The following ALDH1L2 variants were observed in gnomAD, a reference collection of about 807,000 sequenced individuals.
ALDH1L2 encodes mitochondrial 10-formyltetrahydrofolate dehydrogenase.
ALDH1L2 carries 91 observed loss-of-function variants against 111.0 expected under a neutral mutation model. The ratio of observed to expected loss-of-function variants is 0.82; its 90% confidence interval spans 0.69 to 0.98. The LOEUF (loss-of-function observed/expected upper bound fraction) is 0.98. Among genes scored for constraint, ALDH1L2 ranks in the 50% least tolerant of loss-of-function variants. ALDH1L2 has a pLI of 0.00. For missense variants in ALDH1L2, 995 were observed against 1,126.8 expected (o/e 0.88, Z 1.67); for synonymous variants, 374 against 392.6 (o/e 0.95, Z 0.56).
Position 105,070,777 on chromosome 12 carries a change from G to A in ALDH1L2, c.221C>T (p.Pro74Leu), listed in dbSNP as rs1565971840. 2 of 1,614,052 alleles carry A rather than the reference G, an allele frequency of 1.2e-6. No homozygotes were observed. The highest frequency in any genetic ancestry group is 2.7e-5 in the African/African-American group (2 of 75,032). The change falls in exon 3 of 23, where the codon CCT (proline) becomes CTT (leucine). Residue 74 changes from proline to leucine, a missense_variant. Coordinates refer to ENST00000258494, the MANE Select transcript of ALDH1L2 (RefSeq NM_001034173.4). ...LALAAEKDGT[P>L]VFKLPKWRVK... is the part of the protein sequence containing the mutation. ...CCTCCATTTAGGAAGCTTGAACACA[G>A]GGGTCCCATCTTTCTCTGCAGCCAA...
intron 4 of ALDH1L2, among the ~76,000 whole-genome samples, chr12:105,067,292 A>G (rs1877430048): frequency 1.3e-5 from 2 of 151,992 alleles, no homozygotes; most frequent in Admixed American, 6.6e-5. Context: ...GAGAGCTTGT[A>G]GGTGTCAGAA....
chr12:105,035,001 TAAAAG>T (rs1592766671), intron 18 of ALDH1L2, among the ~76,000 whole-genome samples: 1 of 151,958 alleles, frequency 6.6e-6, no homozygotes, highest in South Asian at 2.1e-4. Context: ...AATAAATAAA[TAAAAG>T]AAAATCTAGA....
At chr12:105,077,507 G>A (rs1481075754) in intron 1 of ALDH1L2, among the ~76,000 whole-genome samples, 2 of 151,040 alleles carry the variant, frequency 1.3e-5, no homozygotes, top group African/African-American at 2.4e-5. Flanking sequence ...TCAAATTCCC[G>A]AGCTCAGGCA....
chr12:105,037,570 T>C (rs1875232533), intron 18 of ALDH1L2, among the ~76,000 whole-genome samples: 1 of 152,188 alleles, frequency 6.6e-6, no homozygotes, highest in Non-Finnish European at 1.5e-5. Context: ...CTGCTATGAC[T>C]CATATCCTGT....
chr12:105,032,856 C>G (rs1211163824), intron 19 of ALDH1L2, among the ~76,000 whole-genome samples: 2 of 152,078 alleles, frequency 1.3e-5, no homozygotes, highest in Middle Eastern at 3.4e-3. Flanking sequence ...TTTTCCTCCT[C>G]AAATGTGGCA....
chr12:105,044,165 T>G (rs1875700233), intron 15 of ALDH1L2, among the ~76,000 whole-genome samples: 1 of 152,174 alleles, frequency 6.6e-6, no homozygotes, highest in African/African-American at 2.4e-5. Flanking sequence ...AGCCTGTAAT[T>G]TCCATGGAGA....
At chr12:105,060,773 G>A (rs12315366) in intron 9 of ALDH1L2, 29,044 of 281,230 alleles carry the variant, frequency 0.1, 1,765 homozygotes, top group East Asian at 0.24. Flanking sequence ...GCGGTGAGCC[G>A]AGATCGCACC....
In ALDH1L2 at chr12:105,060,941, T is replaced by C. The variant is rs762610122; in HGVS notation, c.1139+40A>G. 8 of 1,575,100 alleles carry C rather than the reference T, an allele frequency of 5.1e-6. No individual in the cohort carries two copies. In the East Asian group the frequency reaches 1.8e-4, roughly 35 times the overall value. ...TCAAAGCCAAAGTCAAAATCTCTAG[T>C]GAGGGAATCCCTAGTGAGTCAATAA... On this transcript the variant is annotated intron_variant, in intron 9 of 22. Coordinates refer to ENST00000258494, the MANE Select transcript of ALDH1L2 (RefSeq NM_001034173.4).
rs374886534 is a variant in ALDH1L2, at chr12:105,023,626, A to G, written c.*798T>C. On this transcript the variant is annotated 3_prime_UTR_variant, in exon 23 of 23. Coordinates refer to ENST00000258494, the MANE Select transcript of ALDH1L2 (RefSeq NM_001034173.4). ...AAGGGTCCTGAGGAAGGCATTTACT[A>G]TCCCTGTTTTACACATAGGGAAGCA... The G allele has an allele frequency of 6.6e-6, 1 of 152,336 alleles. No homozygotes were observed. The highest frequency in any genetic ancestry group is 2.1e-4 in the South Asian group (1 of 4,828). 9.4% of individuals were successfully genotyped at this position (152,336 alleles called of 1,614,324 possible). A position where few individuals can be genotyped will look rare whatever the true frequency, so the allele number is the denominator to read the frequency against.
chr12:105,024,178 A>G lies in ALDH1L2; in HGVS notation c.*246T>C. ...CTAGGTAGGGGAGAAACAGCTTGGTATTTTAGAAATACGTATGATATACAA... is the reference window on the plus strand; with the variant it reads ...CTAGGTAGGGGAGAAACAGCTTGGTGTTTTAGAAATACGTATGATATACAA... On this transcript the variant is annotated 3_prime_UTR_variant, in exon 23 of 23. Transcript: ENST00000258494. The G allele has an allele frequency of 3.6e-6, 2 of 561,820 alleles. No individual in the cohort carries two copies. The highest frequency in any genetic ancestry group is 6.3e-6 in the Non-Finnish European group (2 of 315,188). The allele number at this position is 561,820 out of a possible 1,614,324, so 34.8% of individuals were successfully genotyped here.
In ALDH1L2 at chr12:105,023,361, G is replaced by A. The variant is rs1404787696; in HGVS notation, c.*1063C>T. 6.6e-6 allele frequency: 1 copy of A among 152,288 alleles called. No homozygotes were observed. Among genetic ancestry groups the A allele is most frequent in the East Asian group, 1.9e-4 (1 of 5,182 alleles). 9.4% of individuals were successfully genotyped at this position (152,288 alleles called of 1,614,324 possible). ...CCTTGTACTATTGCCATTTTTCATT[G>A]TGTGGCATTTTTCAGTGCTGCTGTA... On this transcript the variant is annotated 3_prime_UTR_variant, in exon 23 of 23. Coordinates refer to ENST00000258494, the MANE Select transcript of ALDH1L2 (RefSeq NM_001034173.4).
chr12:105,053,023 G>T, intron 10 of ALDH1L2, 92 bp from the exon 11 acceptor site: 3 of 1,437,626 alleles, frequency 2.1e-6, no homozygotes, highest in Non-Finnish European at 2.9e-6. Context: ...CGAATGCAGA[G>T]GGAGAAGTCA....
intron 1 of ALDH1L2, among the ~76,000 whole-genome samples, chr12:105,080,657 C>T (rs371329925): frequency 3.2e-4 from 48 of 152,212 alleles, no homozygotes; most frequent in African/African-American, 1.1e-3. Flanking sequence ...TTTCAGATTT[C>T]GGATATTTTC....
rs774643870 is a variant in ALDH1L2, at chr12:105,052,092, A to C, written c.1533T>G (p.Tyr511Ter). ...AAAAAAATAAAAAATAGAAATACCT[A>C]TACATCAATCTTCCTCTTTCTCTTG... ...MNARERGRLM[Y>*]RLADLLEENQ... Residue 511 changes from tyrosine (Y) to a stop codon, truncating the protein, a stop_gained and splice_region_variant, in exon 12 of 23, where the codon TAT becomes TAG. Coordinates refer to ENST00000258494, the MANE Select transcript of ALDH1L2 (RefSeq NM_001034173.4). LOFTEE classifies it high-confidence loss of function. 13 of 1,599,106 alleles carry C rather than the reference A, an allele frequency of 8.1e-6. No individual in the cohort carries two copies. Among genetic ancestry groups the C allele is most frequent in the Non-Finnish European group, 1.1e-5 (13 of 1,174,494 alleles).
intron 18 of ALDH1L2, among the ~76,000 whole-genome samples, chr12:105,037,051 G>A (rs892324620): frequency 2.0e-5 from 3 of 152,116 alleles, no homozygotes; most frequent in African/African-American, 7.2e-5. Context: ...TAGGGCCAAT[G>A]GTGAACAGAG....
chr12:105,067,497 G>T (rs1281050985), intron 4 of ALDH1L2, among the ~76,000 whole-genome samples: 1 of 152,132 alleles, frequency 6.6e-6, no homozygotes, highest in African/African-American at 2.4e-5. Flanking sequence ...TGTATTTAAT[G>T]AATTCAACTT....
chr12:105,078,417 C>T (rs1878176426), intron 1 of ALDH1L2, among the ~76,000 whole-genome samples: 1 of 152,118 alleles, frequency 6.6e-6, no homozygotes. Context: ...TGAGATCGCG[C>T]CATTGCACTC....
rs1015625537 is a variant in ALDH1L2 at position 105,023,276 on chromosome 12, A to G, written c.*1148T>C. On this transcript the variant is annotated 3_prime_UTR_variant, in exon 23 of 23. Transcript: ENST00000258494. ...AACAGCAGAACCAATAGGTAGAAAA[A>G]TGGAAAGTAAGATGTCCCATGAAGG... 3 of 152,212 alleles carry G rather than the reference A, an allele frequency of 2.0e-5. No individual in the cohort carries two copies. Among genetic ancestry groups the G allele is most frequent in the Admixed American group, 6.5e-5 (1 of 15,274 alleles). 9.4% of individuals were successfully genotyped at this position (152,212 alleles called of 1,614,324 possible). A position where few individuals can be genotyped will look rare whatever the true frequency, so the allele number is the denominator to read the frequency against.
At chr12:105,079,118 G>A (rs894814334) in intron 1 of ALDH1L2, among the ~76,000 whole-genome samples, 13 of 152,276 alleles carry the variant, frequency 8.5e-5, no homozygotes, top group African/African-American at 2.9e-4. Flanking sequence ...AACTAGCTCC[G>A]GGTAGACACA....
Sources: gnomAD v4.1 joint callset for allele counts (sites outside exome capture counted in the v4.1 genomes callset) on GRCh38, gnomAD v4.1.1 for gene constraint, MANE v1.5 for transcripts, NCBI Gene and HGNC (gene_info 2026-07-23, HGNC 2026-07-21) for gene names.